Variants in DAGLB observed in about 807,000 individuals in gnomAD.
The protein encoded by DAGLB is diacylglycerol lipase beta.
A neutral mutation model predicts 72.1 loss-of-function variants in DAGLB; 66 were observed. That is an observed-to-expected ratio of 0.92 (90% CI 0.75 to 1.12). The LOEUF (loss-of-function observed/expected upper bound fraction) is 1.12, where lower values mean the gene tolerates loss of function less well. Among genes scored for constraint, DAGLB ranks in the 50% most tolerant of loss-of-function variants. DAGLB has a pLI of 0.00. For missense variants in DAGLB, 1,065 were observed against 884.9 expected, an observed-to-expected ratio of 1.20 and a Z score of -2.58; for synonymous variants, 414 against 359.5, an observed-to-expected ratio of 1.15 and a Z score of -1.71.
intron 2 of DAGLB, among the ~76,000 whole-genome samples, chr7:6,436,974 A>C (rs1784679788): frequency 1.3e-5 from 2 of 151,750 alleles, no homozygotes; most frequent in East Asian, 3.9e-4. Flanking sequence ...ACATGGTGAA[A>C]CCTCATCTCT....
Position 6,410,009 on chromosome 7 carries a change from T to C in DAGLB, c.1847A>G (p.Tyr616Cys), listed in dbSNP as rs138947170. ...CGCTTCGTGTGACCACTTGGCGCTA[T>C]AGTGAGCAGCAGAGCAGCAGCCAAA... ...GRFGCCSAAH[Y>C]SAKWSHEAEF... is the part of the protein sequence containing the mutation. The change falls in exon 15 of 15, where the codon TAT (tyrosine) becomes TGT (cysteine). Residue 616 changes from tyrosine (Y) to cysteine (C), a missense_variant. Tyr to Cys is a radical substitution (Grantham distance 194). Coordinates refer to ENST00000297056, the MANE Select transcript of DAGLB (RefSeq NM_139179.4). 3.7e-5 allele frequency: 59 copies of C among 1,613,994 alleles called. No individual in the cohort carries two copies. Among genetic ancestry groups the C allele is most frequent in the East Asian group, 4.5e-5 (2 of 44,882 alleles).
In DAGLB at chr7:6,434,720, TGAAACAGAA is replaced by T. The variant is rs756436953; in HGVS notation, c.678+33_678+41del. 9 of 1,607,978 alleles carry T rather than the reference TGAAACAGAA, an allele frequency of 5.6e-6. No individual in the cohort carries two copies. In the South Asian group the frequency reaches 9.9e-5, roughly 18 times the overall value. ...GACCGGCTCCATCAGAAGCATTTAC[TGAAACAGAA>T]GAAACAGACCAAACCAGATCCCCTC... On this transcript the variant is annotated intron_variant, in intron 4 of 14. Coordinates refer to ENST00000297056, the MANE Select transcript of DAGLB (RefSeq NM_139179.4).
At chr7:6,437,398 T>C (rs1295814495) in intron 2 of DAGLB, among the ~76,000 whole-genome samples, 3 of 152,082 alleles carry the variant, frequency 2.0e-5, no homozygotes, top group Non-Finnish European at 4.4e-5. Flanking sequence ...TCATTTTACG[T>C]ATGAGCAAGC....
rs375208640 is a variant in DAGLB, at chr7:6,432,733, TGAAG to T, written c.801+100_801+103del. The T allele has an allele frequency of 1.4e-3, 1,747 of 1,282,762 alleles. 19 individuals are homozygous for T. In the African/African-American group the frequency reaches 0.027, roughly 20 times the overall value. The allele number at this position is 1,282,762 out of a possible 1,614,324, so 79.5% of individuals were successfully genotyped here. On this transcript the variant is annotated intron_variant, in intron 5 of 14. Coordinates refer to ENST00000297056, the MANE Select transcript of DAGLB (RefSeq NM_139179.4). ...GGAGGGGAGGGAGGGGAAAGGGGAATGAAGGAAGGGAGGAAGAAATTGCTATAGG... is the reference window on the plus strand; with the variant it reads ...GGAGGGGAGGGAGGGGAAAGGGGAATGAAGGGAGGAAGAAATTGCTATAGG...
Position 6,411,770 on chromosome 7 carries a change from A to G in DAGLB, c.1569+1041T>C, listed in dbSNP as rs1783736624. On this transcript the variant is annotated intron_variant, in intron 13 of 14. Transcript: ENST00000297056. ...ATCTCTACCGACACTAAACAAAACC[A>G]CCCTTGGCATACGTATTTTCAAATT... Among the ~76,000 whole-genome samples the G allele has an allele frequency of 2.0e-5, 3 of 151,870 alleles. No homozygotes were observed. In the South Asian group the frequency reaches 6.2e-4, roughly 31 times the overall value.
intron 2 of DAGLB, among the ~76,000 whole-genome samples, chr7:6,437,186 AATAATAGTAATAATT>A (rs1464448740): frequency 6.7e-6 from 1 of 149,010 alleles, no homozygotes; most frequent in African/African-American, 2.5e-5. Flanking sequence ...TAATAATAAT[AATAATAGTAATAATT>A]ATGCTGAGAC....
chr7:6,409,637 G>A lies in DAGLB; in HGVS notation c.*200C>T, dbSNP rs1783649480. ...AGGAGTCGTCCTATCACCTGAGCGT[G>A]CTCACTACTTCTGCTACCATTATGG... On this transcript the variant is annotated 3_prime_UTR_variant, in exon 15 of 15. Transcript: ENST00000297056. 1.5e-6 allele frequency: 1 copy of A among 667,132 alleles called. No homozygotes were observed. The highest frequency in any genetic ancestry group is 2.5e-6 in the Non-Finnish European group (1 of 400,252). The allele number at this position is 667,132 out of a possible 1,614,324, so 41.3% of individuals were successfully genotyped here. A position where few individuals can be genotyped will look rare whatever the true frequency, so the allele number is the denominator to read the frequency against.
rs1280531892 is a variant in DAGLB at position 6,426,022 on chromosome 7, T to A, written c.1022A>T (p.Tyr341Phe). ...GAAGCTGACGTGGATGAAGTCCCTG[T>A]ACTGCAGCCCTGTGGTGTGCAGGAT... ...GSILHTTGLQ[Y>F]RDFIHVSFHD... is the part of the protein sequence containing the mutation. The change falls in exon 7 of 15, where the codon TAC becomes TTC. Residue 341 changes from tyrosine (Y) to phenylalanine (F), a missense_variant. By Grantham distance (22) the Tyr-to-Phe change is conservative. Coordinates refer to ENST00000297056, the MANE Select transcript of DAGLB (RefSeq NM_139179.4). 6.2e-7 allele frequency: 1 copy of A among 1,614,160 alleles called. No individual in the cohort carries two copies. Among genetic ancestry groups the A allele is most frequent in the East Asian group, 2.2e-5 (1 of 44,878 alleles).
rs1583296822 is a variant in DAGLB at position 6,433,971 on chromosome 7, A to G, written c.678+791T>C. Among the ~76,000 whole-genome samples the G allele has an allele frequency of 2.0e-5, 3 of 152,160 alleles. 1 individual carries two copies. Among genetic ancestry groups the G allele is most frequent in the East Asian group, 3.9e-4 (2 of 5,190 alleles). On this transcript the variant is annotated intron_variant, in intron 4 of 14. Transcript: ENST00000297056. ...CAGCTTCTCTTCTTCCCTCTTCCAG[A>G]TATCTTAAGACTAGGTTTAAGCACT... is the stretch of plus-strand genomic sequence containing the variant.
intron 9 of DAGLB, among the ~76,000 whole-genome samples, chr7:6,419,312 A>T (rs575851081): frequency 2.6e-5 from 4 of 152,152 alleles, no homozygotes; most frequent in South Asian, 4.2e-4. Flanking sequence ...GCACTTCTTA[A>T]CAAATTACCA....
intron 11 of DAGLB, among the ~76,000 whole-genome samples, chr7:6,414,974 G>C (rs1386416053): frequency 2.0e-5 from 3 of 152,010 alleles, no homozygotes; most frequent in Non-Finnish European, 4.4e-5. Flanking sequence ...TTCAAGACCA[G>C]CCTGGGCAAC....
intron 11 of DAGLB, 135 bp from the exon 12 acceptor site, chr7:6,413,169 G>T: frequency 1.1e-6 from 1 of 942,948 alleles, no homozygotes; most frequent in South Asian, 1.6e-5. Context: ...TAAAGGGAGG[G>T]TAGGGGAAAC....
intron 7 of DAGLB, 132 bp from the exon 8 acceptor site, chr7:6,424,967 C>T: frequency 1.3e-6 from 1 of 772,120 alleles, no homozygotes; most frequent in Non-Finnish European, 2.2e-6. Flanking sequence ...ACCGCCTCTC[C>T]ACTCACGCTC....
intron 3 of DAGLB, 80 bp downstream of exon 3, chr7:6,436,282 G>A: frequency 2.7e-6 from 4 of 1,503,992 alleles, no homozygotes; most frequent in Non-Finnish European, 3.6e-6. Flanking sequence ...AGGGACGCTG[G>A]ACTCTCTGTC....
chr7:6,422,604 GGCCATCATCC>G (rs1471506268), intron 8 of DAGLB: 7 of 153,196 alleles, frequency 4.6e-5, no homozygotes, highest in Non-Finnish European at 5.8e-5. Context: ...TGCAGCTGCG[GGCCATCATCC>G]TCAGCGAATT....
chr7:6,443,872 C>G (rs1291058187), intron 2 of DAGLB, among the ~76,000 whole-genome samples: 3 of 152,164 alleles, frequency 2.0e-5, no homozygotes. Flanking sequence ...TCACATCATC[C>G]TATGAAGCAG....
chr7:6,416,136 TAA>T (rs1189447727), intron 11 of DAGLB: 1 of 152,382 alleles, frequency 6.6e-6, no homozygotes, highest in Non-Finnish European at 1.5e-5. Context: ...CTCTAAAAAA[TAA>T]AGTCTGTTTG....
Position 6,410,139 on chromosome 7 carries a change from G to T in DAGLB, c.1811C>A (p.Ala604Asp), listed in dbSNP as rs1180714538. Residue 604 changes from alanine to aspartate, a missense_variant, in exon 14 of 15, where the codon GCC becomes GAC. Transcript: ENST00000297056. ...ACCACGCCGCACTCACCGCCCCGAG[G>T]CGCCCTCCTCCTGCAGGTGGATGAT... is the stretch of plus-strand genomic sequence containing the variant. The part of the protein sequence containing the change: ...GRIIHLQEEG[A>D]SGRFGCCSAA... 9 of 1,573,448 alleles carry T rather than the reference G, an allele frequency of 5.7e-6. No individual in the cohort carries two copies. The Admixed American group carries it at 1.4e-4, about 25-fold the overall frequency.
chr7:6,425,877 G>C (rs1156422431), intron 7 of DAGLB, 111 bp downstream of exon 7: 1 of 1,530,492 alleles, frequency 6.5e-7, no homozygotes, highest in African/African-American at 1.4e-5. Context: ...ACTTAGAAGT[G>C]TGTTTGTGTG....
Sources: allele counts gnomAD v4.1 joint callset (sites outside exome capture counted in the v4.1 genomes callset), GRCh38; gene constraint gnomAD v4.1.1; transcripts MANE v1.5; gene names NCBI Gene and HGNC (gene_info 2026-07-23, HGNC 2026-07-21).